TNFRSF10C: variants seen among roughly 807,000 people sequenced by gnomAD.
TNFRSF10C encodes the protein TNF receptor superfamily member 10c, also known as tumor necrosis factor receptor superfamily member 10C.
Under a neutral mutation model 16.7 loss-of-function variants are expected in TNFRSF10C, and 17 were observed. The ratio of observed to expected loss-of-function variants is 1.02; its 90% CI spans 0.70 to 1.53. The LOEUF is 1.53. Ranked by LOEUF, TNFRSF10C falls within the 40% of genes most tolerant of loss-of-function variation. TNFRSF10C has a pLI of 0.00. For missense variants in TNFRSF10C, 237 were observed against 329.7 expected (o/e 0.72, Z 2.18); for synonymous variants, 73 against 119.7 (o/e 0.61, Z 2.55).
intron 1 of TNFRSF10C, among the ~76,000 whole-genome samples, chr8:23,106,259 T>C (rs1813773489): frequency 6.6e-6 from 1 of 152,066 alleles, no homozygotes. Flanking sequence ...GCCTGAGATC[T>C]CACTACCCTT....
chr8:23,110,370 G>A (rs1308944921), intron 1 of TNFRSF10C, among the ~76,000 whole-genome samples: 1 of 152,110 alleles, frequency 6.6e-6, no homozygotes, highest in Non-Finnish European at 1.5e-5. Flanking sequence ...AGCTTTCATT[G>A]TAACCATTTT....
intron 3 of TNFRSF10C, 72 bp from the exon 4 acceptor site, chr8:23,115,436 G>A: frequency 7.6e-7 from 1 of 1,316,042 alleles, no homozygotes; most frequent in Middle Eastern, 2.0e-4. Flanking sequence ...GAGTGGGAGG[G>A]GGTGGGTGGT....
chr8:23,108,012 G>A (rs541046300), intron 1 of TNFRSF10C, among the ~76,000 whole-genome samples: 89 of 152,204 alleles, frequency 5.8e-4, no homozygotes, highest in Non-Finnish European at 9.0e-4. Context: ...ACCCTACGTT[G>A]AAGGCGGCGA....
chr8:23,103,791 G>C (rs1813717383), intron 1 of TNFRSF10C, among the ~76,000 whole-genome samples: 1 of 152,210 alleles, frequency 6.6e-6, no homozygotes, highest in Non-Finnish European at 1.5e-5. Context: ...ACGGTGTAAA[G>C]TTGTTGTGAG....
At chr8:23,103,402 C>T (rs1436851180) in intron 1 of TNFRSF10C, 1 of 764,172 alleles carries the variant, frequency 1.3e-6, no homozygotes, top group Middle Eastern at 2.4e-4. Context: ...CCCCTGGCTG[C>T]CCCGAGCCCG....
At chr8:23,108,445 A>G (rs1813818110) in intron 1 of TNFRSF10C, among the ~76,000 whole-genome samples, 1 of 152,236 alleles carries the variant, frequency 6.6e-6, no homozygotes, top group Non-Finnish European at 1.5e-5. Flanking sequence ...ACAGTTATCA[A>G]CTACCTGATG....
chr8:23,109,945 T>C (rs1190327505), intron 1 of TNFRSF10C, among the ~76,000 whole-genome samples: 1 of 151,220 alleles, frequency 6.6e-6, no homozygotes, highest in Non-Finnish European at 1.5e-5. Flanking sequence ...ACACCTGTCT[T>C]TGGGGACTGA....
At chr8:23,109,481 CA>C (rs1469690863) in intron 1 of TNFRSF10C, among the ~76,000 whole-genome samples, 2 of 151,516 alleles carry the variant, frequency 1.3e-5, no homozygotes, top group Admixed American at 6.6e-5. Flanking sequence ...ACTAAAAATA[CA>C]AAAAATTAGC....
intron 1 of TNFRSF10C, among the ~76,000 whole-genome samples, chr8:23,110,237 A>C (rs1585247296): frequency 6.6e-6 from 1 of 152,128 alleles, no homozygotes; most frequent in South Asian, 2.1e-4. Context: ...AACCCGGGAA[A>C]GAATGATTTG....
At chr8:23,110,976 G>A (rs1175970361) in intron 1 of TNFRSF10C, among the ~76,000 whole-genome samples, 1 of 152,146 alleles carries the variant, frequency 6.6e-6, no homozygotes, top group Non-Finnish European at 1.5e-5. Flanking sequence ...ATGGTGGCAT[G>A]TGCCTCTTAT....
In TNFRSF10C at chr8:23,113,051, G is replaced by A. The variant is rs539417566; in HGVS notation, c.166+1226G>A. On this transcript the variant is annotated intron_variant, in intron 2 of 4. Transcript: ENST00000356864. Reference sequence around the variant, plus strand: ...TATTTGGCACTTGATGGTTAGTGATGCTGAGCATTTTTTTCATATACTTTT... The same window carrying A: ...TATTTGGCACTTGATGGTTAGTGATACTGAGCATTTTTTTCATATACTTTT... Among the ~76,000 whole-genome samples, 9 of 152,280 alleles carry A rather than the reference G, an allele frequency of 5.9e-5. No individual in the cohort carries two copies. The South Asian group carries it at 1.9e-3, about 32-fold the overall frequency.
At position 23,103,109 on chromosome 8, in the gene TNFRSF10C, C is replaced by A. The variant is rs1813695807; in HGVS notation, c.-13C>A. On this transcript the variant is annotated 5_prime_UTR_variant, in exon 1 of 5. The change creates a premature stop within an existing upstream ORF in the 5' untranslated region. Transcript: ENST00000356864. ...TGCGACCCAGGACCCAGGACGGCGTCGGGAACCATACCATGGCCCGGATCC... is the reference window on the plus strand; with the variant it reads ...TGCGACCCAGGACCCAGGACGGCGTAGGGAACCATACCATGGCCCGGATCC... 5 of 1,609,468 alleles carry A rather than the reference C, an allele frequency of 3.1e-6. No individual in the cohort carries two copies. In the African/African-American group the frequency reaches 5.3e-5, roughly 17 times the overall value.
chr8:23,103,330 G>C (rs1437279600), intron 1 of TNFRSF10C, 149 bp downstream of exon 1: 45 of 1,393,286 alleles, frequency 3.2e-5, no homozygotes, highest in Non-Finnish European at 4.2e-5. Flanking sequence ...GGAGTCAGGG[G>C]AAGAACTGGG....
In TNFRSF10C at chr8:23,111,900, A is replaced by G. The variant is rs984215110; in HGVS notation, c.166+75A>G. On this transcript the variant is annotated intron_variant, in intron 2 of 4. Transcript: ENST00000356864. ...ATTGTATGTATTTATGATGTACACC[A>G]TGATGTTTTGAAATATGTACGCATT... The G allele has an allele frequency of 7.1e-6, 10 of 1,408,386 alleles. No individual in the cohort carries two copies. In the African/African-American group the frequency reaches 7.1e-5, roughly 10 times the overall value. 87.2% of individuals were successfully genotyped at this position (1,408,386 alleles called of 1,614,324 possible). A position where few individuals can be genotyped will look rare whatever the true frequency, so the allele number is the denominator to read the frequency against.
rs56263402 is a variant in TNFRSF10C at position 23,110,069 on chromosome 8, C to CAAAAAAAAAAAAAAAAAAAA, written c.61-1644_61-1625dup. 9.1e-4 allele frequency among the ~76,000 whole-genome samples: 36 copies of CAAAAAAAAAAAAAAAAAAAA among 39,644 alleles called. 6 individuals are homozygous for CAAAAAAAAAAAAAAAAAAAA. Among genetic ancestry groups the CAAAAAAAAAAAAAAAAAAAA allele is most frequent in the South Asian group, 1.9e-3 (1 of 514 alleles). The allele number at this position is 39,644 out of a possible 152,430, so 26.0% of individuals were successfully genotyped here. On this transcript the variant is annotated intron_variant, in intron 1 of 4. Transcript: ENST00000356864. ...GGAGGACAGAGGGAGACCCTGTCTC[C>CAAAAAAAAAAAAAAAAAAAA]AAAAAAAAAAAAAAAAAAAAAAAAA...
chr8:23,111,248 C>T (rs938702000), intron 1 of TNFRSF10C, among the ~76,000 whole-genome samples: 2 of 150,308 alleles, frequency 1.3e-5, no homozygotes, highest in South Asian at 2.1e-4. Flanking sequence ...GATGGAGTCT[C>T]GCACTGTCAC....
intron 1 of TNFRSF10C, among the ~76,000 whole-genome samples, chr8:23,110,335 C>A (rs1350572639): frequency 6.6e-6 from 1 of 152,150 alleles, no homozygotes; most frequent in Non-Finnish European, 1.5e-5. Context: ...TAGATCCAGG[C>A]AGTTGAACTG....
chr8:23,105,351 C>T (rs774014878), intron 1 of TNFRSF10C, among the ~76,000 whole-genome samples: 41 of 152,310 alleles, frequency 2.7e-4, no homozygotes, highest in Middle Eastern at 3.4e-3. Context: ...TGGACTGGAT[C>T]CCCAGGCACC....
chr8:23,116,255 A>G (rs1813980369), intron 4 of TNFRSF10C, among the ~76,000 whole-genome samples: 1 of 152,238 alleles, frequency 6.6e-6, no homozygotes, highest in Non-Finnish European at 1.5e-5. Flanking sequence ...GGGAGGAACC[A>G]GCAGACAGTT....
Sources: gnomAD v4.1 joint callset for allele counts (sites outside exome capture counted in the v4.1 genomes callset) on GRCh38, gnomAD v4.1.1 for gene constraint, MANE v1.5 for transcripts, NCBI Gene and HGNC (gene_info 2026-07-23, HGNC 2026-07-21) for gene names.